Variants in SYNPR observed in about 807,000 individuals in gnomAD.
SYNPR encodes the protein synaptoporin.
Under a neutral mutation model 32.9 loss-of-function variants are expected in SYNPR, and 23 were observed. The ratio of observed to expected loss-of-function variants is 0.70; its 90% CI spans 0.50 to 0.99. The LOEUF is 0.99. Ranked by LOEUF, SYNPR falls within the 50% of genes least tolerant of loss-of-function variation. The pLI, the probability that SYNPR is intolerant of heterozygous loss-of-function variation, is 0.00. For synonymous variants in SYNPR, 146 were observed against 135.9 expected (o/e 1.07, Z -0.52); for missense variants, 318 against 349.3 (o/e 0.91, Z 0.71).
chr3:63,594,119 G>A (rs766330484), intron 4 of SYNPR, among the ~76,000 whole-genome samples: 3 of 152,122 alleles, frequency 2.0e-5, no homozygotes, highest in South Asian at 2.1e-4. Flanking sequence ...CAGCTACTTC[G>A]CAGGGTTGTG....
intron 2 of SYNPR, among the ~76,000 whole-genome samples, chr3:63,413,702 G>GT (rs1409879151): frequency 2.0e-5 from 3 of 152,048 alleles, no homozygotes; most frequent in Non-Finnish European, 4.4e-5. Flanking sequence ...ATGAGCTATT[G>GT]TTTTATTGTC....
intron 5 of SYNPR, among the ~76,000 whole-genome samples, chr3:63,613,638 A>AAAAAAAAAT (rs1700236107): frequency 7.3e-6 from 1 of 136,938 alleles, no homozygotes; most frequent in African/African-American, 2.7e-5. Context: ...AAAAAAAAAA[A>AAAAAAAAAT]AGTCTGCAAA....
At chr3:63,231,610 TCACAGGGCTAG>T (rs2086167418) in intron 1 of SYNPR, among the ~76,000 whole-genome samples, 1 of 152,194 alleles carries the variant, frequency 6.6e-6, no homozygotes, top group Non-Finnish European at 1.5e-5. Flanking sequence ...CTGCTTCTTC[TCACAGGGCTAG>T]CACCATTGCT....
intron 2 of SYNPR, among the ~76,000 whole-genome samples, chr3:63,308,761 T>C (rs1323008923): frequency 1.3e-5 from 2 of 152,006 alleles, no homozygotes; most frequent in African/African-American, 4.8e-5. Flanking sequence ...TCATATGCTT[T>C]GAACAATTTA....
chr3:63,580,762 C>T (rs1451674043), intron 4 of SYNPR, among the ~76,000 whole-genome samples: 1 of 152,142 alleles, frequency 6.6e-6, no homozygotes, highest in South Asian at 2.1e-4. Flanking sequence ...AAGTTAGTCT[C>T]CTTATACAGT....
chr3:63,254,564 T>C (rs1449827906), intron 2 of SYNPR, among the ~76,000 whole-genome samples: 1 of 152,202 alleles, frequency 6.6e-6, no homozygotes, highest in Admixed American at 6.5e-5. Context: ...GAGTACGTGT[T>C]AGACCAAGGT....
chr3:63,547,661 C>G (rs1702432104), intron 3 of SYNPR, among the ~76,000 whole-genome samples: 1 of 152,092 alleles, frequency 6.6e-6, no homozygotes, highest in Non-Finnish European at 1.5e-5. Flanking sequence ...GAGTCAGTTG[C>G]TAGAAGGCCA....
intron 2 of SYNPR, among the ~76,000 whole-genome samples, chr3:63,315,729 T>C (rs996317300): frequency 6.6e-6 from 1 of 152,062 alleles, no homozygotes; most frequent in African/African-American, 2.4e-5. Flanking sequence ...ATGCCCTTTA[T>C]TTCTTTCTCT....
At chr3:63,210,544 C>T in the SYNPR span, among the ~76,000 whole-genome samples, 1 of 152,214 alleles carries the variant, frequency 6.6e-6, no homozygotes, top group African/African-American at 2.4e-5. Context: ...TCCTACAAAC[C>T]TTACTTGTTT....
chr3:63,354,858 G>A (rs1184724355), intron 2 of SYNPR, among the ~76,000 whole-genome samples: 3 of 152,182 alleles, frequency 2.0e-5, no homozygotes, highest in Non-Finnish European at 4.4e-5. Flanking sequence ...ACCACTATCA[G>A]AATTTGTTGA....
intron 2 of SYNPR, among the ~76,000 whole-genome samples, chr3:63,357,274 G>A (rs1523438): frequency 4.8e-4 from 73 of 151,002 alleles, no homozygotes; most frequent in African/African-American, 1.5e-3. Context: ...CACCCCAGAC[G>A]TCCCCTTACC....
At chr3:63,382,324 G>A (rs1440874825) in intron 2 of SYNPR, among the ~76,000 whole-genome samples, 1 of 152,198 alleles carries the variant, frequency 6.6e-6, no homozygotes, top group Non-Finnish European at 1.5e-5. Flanking sequence ...CACCACCCAG[G>A]TTGGATTTGG....
intron 4 of SYNPR, among the ~76,000 whole-genome samples, chr3:63,583,976 G>T: frequency 6.6e-6 from 1 of 152,120 alleles, no homozygotes; most frequent in Admixed American, 6.6e-5. Context: ...TGGTAGAGCA[G>T]GCTTACAGAG....
At chr3:63,210,929 A>G in the SYNPR span, among the ~76,000 whole-genome samples, 1 of 150,948 alleles carries the variant, frequency 6.6e-6, no homozygotes, top group Admixed American at 6.6e-5. Flanking sequence ...CATACCTGAC[A>G]CCTTCACACA....
At chr3:63,260,125 T>C (rs996936878) in intron 2 of SYNPR, among the ~76,000 whole-genome samples, 5 of 152,194 alleles carry the variant, frequency 3.3e-5, no homozygotes, top group South Asian at 2.1e-4. Flanking sequence ...GAATCAACAT[T>C]GTGAAAATGG....
At chr3:63,277,813 G>C (rs1379276698), upstream of SYNPR, among the ~76,000 whole-genome samples, 1 of 151,948 alleles carries the variant, frequency 6.6e-6, no homozygotes, top group Admixed American at 6.6e-5. Flanking sequence ...TTCCCCTTTT[G>C]CTTCCCCTGG....
intron 2 of SYNPR, among the ~76,000 whole-genome samples, chr3:63,334,135 C>CA (rs1302769482): frequency 5.9e-5 from 9 of 152,190 alleles, no homozygotes; most frequent in Admixed American, 5.9e-4. Flanking sequence ...TATATAATTG[C>CA]AAATGGTTTA....
chr3:63,448,615 T>A (rs1054574089), intron 2 of SYNPR, among the ~76,000 whole-genome samples: 1 of 151,876 alleles, frequency 6.6e-6, no homozygotes, highest in African/African-American at 2.4e-5. Context: ...GGAAAAACAT[T>A]TTTTTTTAAT....
chr3:63,494,448 C>CAT (rs1559516365), intron 3 of SYNPR, among the ~76,000 whole-genome samples: 2 of 89,420 alleles, frequency 2.2e-5, no homozygotes, highest in African/African-American at 4.6e-5. Context: ...TATATATATA[C>CAT]ACATATATAT....
Sources: gnomAD v4.1 joint callset for allele counts (sites outside exome capture counted in the v4.1 genomes callset) on GRCh38, gnomAD v4.1.1 for gene constraint, MANE v1.5 for transcripts, NCBI Gene and HGNC (gene_info 2026-07-23, HGNC 2026-07-21) for gene names.